Variants in PNKD observed in about 807,000 individuals in gnomAD.
The protein encoded by PNKD is probable thioesterase PNKD.
In PNKD, 36 loss-of-function variants were observed where a neutral mutation model predicts 45.3. The observed-to-expected ratio is 0.80, with a 90% CI of 0.61 to 1.05. The LOEUF (loss-of-function observed/expected upper bound fraction) is 1.05. Among genes scored for constraint, PNKD ranks in the 50% least tolerant of loss-of-function variants. The probability of loss-of-function intolerance (pLI) is 0.00; values close to 1 mark genes in which losing one functional copy is unlikely to be tolerated. For missense variants in PNKD, 511 were observed against 506.6 expected (o/e 1.01, Z -0.08); for synonymous variants, 197 against 210.1 (o/e 0.94, Z 0.54).
intron 2 of PNKD, among the ~76,000 whole-genome samples, chr2:218,311,953 T>C (rs1270131157): frequency 6.6e-6 from 1 of 152,226 alleles, no homozygotes; most frequent in Non-Finnish European, 1.5e-5. Flanking sequence ...ATTGTGTCCC[T>C]GGGTAATCGA....
At chr2:218,301,018 C>G (rs1255454562) in intron 2 of PNKD, among the ~76,000 whole-genome samples, 1 of 152,016 alleles carries the variant, frequency 6.6e-6, no homozygotes, top group Non-Finnish European at 1.5e-5. Flanking sequence ...TTTCCAATAA[C>G]TGAAATAAGC....
At chr2:218,336,607 A>G (rs1245525151) in intron 2 of PNKD, among the ~76,000 whole-genome samples, 1 of 151,790 alleles carries the variant, frequency 6.6e-6, no homozygotes, top group Non-Finnish European at 1.5e-5. Flanking sequence ...CAGCCTCCCA[A>G]GTAGCTGGGA....
chr2:218,308,877 G>A (rs1693502844), intron 2 of PNKD, among the ~76,000 whole-genome samples: 1 of 152,034 alleles, frequency 6.6e-6, no homozygotes, highest in African/African-American at 2.4e-5. Context: ...GAGCCACCGT[G>A]CCCAGCCTCC....
intron 8 of PNKD, among the ~76,000 whole-genome samples, 184 bp downstream of exon 8, chr2:218,343,770 C>T (rs1197510734): frequency 1.3e-5 from 2 of 152,202 alleles, no homozygotes; most frequent in Non-Finnish European, 2.9e-5. Flanking sequence ...GTGCTGGCTC[C>T]GTACCACCTC....
chr2:218,282,174 G>A (rs762771820), intron 2 of PNKD: 5 of 1,428,030 alleles, frequency 3.5e-6, no homozygotes, highest in Admixed American at 3.0e-5. Context: ...AACCCCAGCT[G>A]CTGGGACCTG....
intron 2 of PNKD, among the ~76,000 whole-genome samples, chr2:218,324,965 A>G (rs1335646320): frequency 6.8e-6 from 1 of 147,622 alleles, no homozygotes; most frequent in African/African-American, 2.6e-5. Context: ...AAGAAAAAAA[A>G]ATCCCAAACA....
chr2:218,296,034 G>T (rs192048278), intron 2 of PNKD, among the ~76,000 whole-genome samples: 57 of 152,132 alleles, frequency 3.7e-4, no homozygotes, highest in African/African-American at 1.4e-3. Flanking sequence ...TTTCTGTGGA[G>T]ACAGGGTTTT....
chr2:218,340,946 G>C lies in PNKD; in HGVS notation c.524+160G>C. ...TGGACACCAGCAGGGAGGGAGGAGA[G>C]GGGACAGTCTCCCACCACTCCATTG... On this transcript the variant is annotated intron_variant, in intron 5 of 9. Coordinates refer to ENST00000273077, the MANE Select transcript of PNKD (RefSeq NM_015488.5). The surrounding 1 kb of genome is among the most constrained non-coding windows in gnomAD (Gnocchi z 4.2). 1.4e-6 allele frequency: 1 copy of C among 695,206 alleles called. No homozygotes were observed. The highest frequency in any genetic ancestry group is 2.6e-6 in the Non-Finnish European group (1 of 380,866). The allele number at this position is 695,206 out of a possible 1,614,324, so 43.1% of individuals were successfully genotyped here. A position where few individuals can be genotyped will look rare whatever the true frequency, so the allele number is the denominator to read the frequency against.
chr2:218,294,446 G>C (rs992842696), intron 2 of PNKD, among the ~76,000 whole-genome samples: 1 of 152,184 alleles, frequency 6.6e-6, no homozygotes, highest in Non-Finnish European at 1.5e-5. Context: ...GATATCGTCT[G>C]AGTCCTCATA....
At chr2:218,318,950 C>CTTTTTTTTTTTTTTTTT (rs769001811) in intron 2 of PNKD, among the ~76,000 whole-genome samples, 59 of 99,870 alleles carry the variant, frequency 5.9e-4, no homozygotes, top group African/African-American at 1.4e-3. Flanking sequence ...TTTTTTTTTT[C>CTTTTTTTTTTTTTTTTT]TTTTTTTTTT....
intron 2 of PNKD, chr2:218,280,745 T>C (rs1691825981): frequency 6.5e-6 from 1 of 152,718 alleles, no homozygotes; most frequent in African/African-American, 2.4e-5. Context: ...GGAACTACTT[T>C]TAAAATCCAC....
chr2:218,332,631 C>T (rs937737527), intron 2 of PNKD, among the ~76,000 whole-genome samples: 2 of 152,080 alleles, frequency 1.3e-5, no homozygotes, highest in African/African-American at 4.8e-5. Flanking sequence ...CTGTCCCTAG[C>T]CCACATCCAA....
In PNKD at chr2:218,270,576, G is replaced by T; in HGVS notation, c.41G>T (p.Gly14Val). The change falls in exon 1 of 10, where the codon GGG becomes GTG. Residue 14 changes from glycine to valine, a missense_variant. Gly to Val is a moderately radical substitution (Grantham distance 109). Coordinates refer to ENST00000273077, the MANE Select transcript of PNKD (RefSeq NM_015488.5). The stretch of plus-strand genomic sequence containing the variant: ...GCTGCTACGGCGCTGAAGGGCCGGG[G>T]GGCGAGAAATGCCCGCGTCCTCCGG... Reference protein sequence around the residue: ...VVAATALKGRGARNARVLRGI... With the variant: ...VVAATALKGRVARNARVLRGI... 1.7e-6 allele frequency: 2 copies of T among 1,183,948 alleles called. No individual in the cohort carries two copies. The highest frequency in any genetic ancestry group is 1.1e-6 in the Non-Finnish European group (1 of 915,184). 73.3% of individuals were successfully genotyped at this position (1,183,948 alleles called of 1,614,324 possible).
intron 2 of PNKD, among the ~76,000 whole-genome samples, chr2:218,300,464 G>A (rs1011075016): frequency 6.6e-6 from 1 of 152,088 alleles, no homozygotes; most frequent in Non-Finnish European, 1.5e-5. Context: ...ACTTTAATGT[G>A]CAAATAGATC....
intron 2 of PNKD, among the ~76,000 whole-genome samples, chr2:218,287,798 C>A (rs1692639248): frequency 1.3e-5 from 2 of 152,294 alleles, no homozygotes; most frequent in African/African-American, 4.8e-5. Context: ...TGGCCTCTCT[C>A]TGGACCCATG....
rs1463196384 is a variant in PNKD at position 218,339,189 on chromosome 2, TC to T, written c.237-592del. ...CTCATTTCAGCCTCCTAATTCCTAC[TC>T]CTTCTTCCCTGCAAATGTCACTTCA... On this transcript the variant is annotated intron_variant, in intron 2 of 9. Coordinates refer to ENST00000273077, the MANE Select transcript of PNKD (RefSeq NM_015488.5). 3.3e-5 allele frequency among the ~76,000 whole-genome samples: 5 copies of T among 152,272 alleles called. No homozygotes were observed. The South Asian group carries it at 8.3e-4, about 25-fold the overall frequency.
chr2:218,271,489 A>T lies in PNKD; in HGVS notation c.176A>T (p.Glu59Val). 6.2e-7 allele frequency: 1 copy of T among 1,614,192 alleles called. No homozygotes were observed. The highest frequency in any genetic ancestry group is 8.5e-7 in the Non-Finnish European group (1 of 1,180,024). ...GKEEPEPLSP[E>V]LEYIPRKRGK... ...GAGGAACCTGAACCCCTATCCCCGG[A>T]GCTGGAATACATTCCCAGAAAGAGG... is the stretch of plus-strand genomic sequence containing the variant. Residue 59 changes from glutamate (E) to valine (V), a missense_variant, in exon 2 of 10, where the codon GAG becomes GTG. Coordinates refer to ENST00000273077, the MANE Select transcript of PNKD (RefSeq NM_015488.5).
At chr2:218,280,046 G>C in intron 2 of PNKD, 1 of 1,613,810 alleles carries the variant, frequency 6.2e-7, no homozygotes, top group South Asian at 1.1e-5. Flanking sequence ...AAAGTGTGTC[G>C]CACTTTCCGG....
At chr2:218,280,143 C>G (rs754221222) in intron 2 of PNKD, 1 of 1,585,878 alleles carries the variant, frequency 6.3e-7, no homozygotes, top group Non-Finnish European at 8.7e-7. Flanking sequence ...ACAGATGACA[C>G]TTGACTCAGC....
Sources: gnomAD v4.1 joint callset for allele counts (sites outside exome capture counted in the v4.1 genomes callset) on GRCh38, gnomAD v4.1.1 for gene constraint, Gnocchi (gnomAD v3.1) non-coding constraint, MANE v1.5 for transcripts, NCBI Gene and HGNC (gene_info 2026-07-23, HGNC 2026-07-21) for gene names.